ELMOD1: variants seen among roughly 807,000 people sequenced by gnomAD.
ELMOD1 encodes the protein ELMO domain containing 1.
Under a neutral mutation model 46.7 loss-of-function variants are expected in ELMOD1, and 21 were observed. The ratio of observed to expected loss-of-function variants is 0.45; its 90% CI spans 0.32 to 0.65. ELMOD1 has a LOEUF of 0.65. Among genes scored for constraint, ELMOD1 ranks in the 30% least tolerant of loss-of-function variants. The pLI, the probability that ELMOD1 is intolerant of heterozygous loss-of-function variation, is 0.04. For synonymous variants in ELMOD1, 122 were observed against 138.2 expected, an observed-to-expected ratio of 0.88 and a Z score of 0.82; for missense variants, 348 against 407.8, an observed-to-expected ratio of 0.85 and a Z score of 1.26.
At chr11:107,628,559 G>T (rs560166639) in intron 2 of ELMOD1, among the ~76,000 whole-genome samples, 12 of 150,894 alleles carry the variant, frequency 8.0e-5, no homozygotes, top group African/African-American at 2.7e-4. Flanking sequence ...GTTTTTTGGG[G>T]TGTTTTTTTT....
intron 7 of ELMOD1, among the ~76,000 whole-genome samples, chr11:107,648,818 A>G (rs1230107428): frequency 1.4e-5 from 2 of 146,668 alleles, no homozygotes; most frequent in South Asian, 2.2e-4. Flanking sequence ...CTGTGTTTTT[A>G]TATGTTTATT....
intron 1 of ELMOD1, among the ~76,000 whole-genome samples, chr11:107,613,502 G>T (rs746149204): frequency 1.6e-4 from 25 of 152,064 alleles, no homozygotes; most frequent in Non-Finnish European, 2.9e-4. Flanking sequence ...CTCTTTTACT[G>T]TATTAAACTA....
chr11:107,635,559 C>T, intron 5 of ELMOD1, 77 bp from the exon 6 acceptor site: 3 of 1,419,158 alleles, frequency 2.1e-6, no homozygotes, highest in Non-Finnish European at 2.9e-6. Flanking sequence ...TTCTATCATG[C>T]ATACATCAAG....
At chr11:107,661,812 C>A (rs2135719661) in intron 11 of ELMOD1, among the ~76,000 whole-genome samples, 1 of 152,308 alleles carries the variant, frequency 6.6e-6, no homozygotes, top group African/African-American at 2.4e-5. Context: ...TTAACAAGTA[C>A]CGCAGATCAT....
intron 7 of ELMOD1, 61 bp downstream of exon 7, chr11:107,647,662 T>C (rs1379874942): frequency 6.6e-7 from 1 of 1,524,300 alleles, no homozygotes; most frequent in Non-Finnish European, 8.8e-7. Context: ...CATACTGAAA[T>C]GGCAAAAGTT....
At chr11:107,627,604 G>A (rs117814914) in intron 2 of ELMOD1, among the ~76,000 whole-genome samples, 3,375 of 152,296 alleles carry the variant, frequency 0.022, 56 homozygotes, top group South Asian at 0.073. Flanking sequence ...GAGTTGGGCT[G>A]TAGGTAACTC....
intron 1 of ELMOD1, among the ~76,000 whole-genome samples, chr11:107,598,191 G>A (rs977059881): frequency 1.3e-5 from 2 of 152,094 alleles, no homozygotes; most frequent in African/African-American, 4.8e-5. Flanking sequence ...TGAGGAATTG[G>A]CTTACTTGAC....
At chr11:107,652,328 A>C (rs1866539582) in intron 9 of ELMOD1, among the ~76,000 whole-genome samples, 1 of 152,230 alleles carries the variant, frequency 6.6e-6, no homozygotes, top group Non-Finnish European at 1.5e-5. Context: ...TCTTGTAAAC[A>C]TCCATTGGTT....
intron 11 of ELMOD1, among the ~76,000 whole-genome samples, chr11:107,658,745 A>C (rs953680191): frequency 6.6e-6 from 1 of 152,178 alleles, no homozygotes; most frequent in African/African-American, 2.4e-5. Flanking sequence ...GACCAGCCTG[A>C]TCAAAAGGGT....
At chr11:107,644,585 C>T (rs908736199) in intron 6 of ELMOD1, among the ~76,000 whole-genome samples, 6 of 151,998 alleles carry the variant, frequency 3.9e-5, no homozygotes, top group African/African-American at 1.4e-4. Flanking sequence ...CGCCATTCTC[C>T]TGCCTCAGCC....
intron 6 of ELMOD1, chr11:107,643,610 G>T: frequency 1.9e-6 from 1 of 529,100 alleles, no homozygotes; most frequent in Non-Finnish European, 3.9e-6. Context: ...ACAAGTATCT[G>T]GACGGCATTC....
intron 1 of ELMOD1, chr11:107,592,953 T>C (rs1865429228): frequency 6.5e-6 from 1 of 152,746 alleles, no homozygotes; most frequent in Non-Finnish European, 1.5e-5. Context: ...CGTAAAGACC[T>C]ATAAGGAATT....
chr11:107,659,551 A>G (rs694990), intron 11 of ELMOD1, among the ~76,000 whole-genome samples: 32,391 of 151,114 alleles, frequency 0.21, 7,718 homozygotes, highest in African/African-American at 0.59. Context: ...AGTTAGAATC[A>G]TAAAGAATTG....
intron 6 of ELMOD1, among the ~76,000 whole-genome samples, chr11:107,645,815 A>G (rs1401636148): frequency 6.6e-6 from 1 of 152,226 alleles, no homozygotes; most frequent in Non-Finnish European, 1.5e-5. Flanking sequence ...AAAATATTGT[A>G]TAATGTGAAT....
At chr11:107,632,628 T>C (rs1246934730) in intron 5 of ELMOD1, among the ~76,000 whole-genome samples, 3 of 152,216 alleles carry the variant, frequency 2.0e-5, no homozygotes, top group Non-Finnish European at 4.4e-5. Context: ...GTTGATTTAC[T>C]TATATAGTAA....
At chr11:107,630,018 T>C (rs1280243049) in intron 2 of ELMOD1, among the ~76,000 whole-genome samples, 1 of 152,062 alleles carries the variant, frequency 6.6e-6, no homozygotes, top group Non-Finnish European at 1.5e-5. Flanking sequence ...GCTGAGAGGC[T>C]GTTCATGGAG....
At chr11:107,641,421 A>G (rs1162663623) in intron 6 of ELMOD1, among the ~76,000 whole-genome samples, 2 of 152,212 alleles carry the variant, frequency 1.3e-5, no homozygotes, top group Non-Finnish European at 2.9e-5. Flanking sequence ...GCCAGAACCT[A>G]TGCCAATACA....
intron 9 of ELMOD1, chr11:107,653,886 A>G (rs929502601): frequency 2.9e-6 from 1 of 345,200 alleles, no homozygotes; most frequent in Admixed American, 4.1e-5. Context: ...TGTTTCAGGA[A>G]GGAGGGGTTT....
intron 11 of ELMOD1, among the ~76,000 whole-genome samples, chr11:107,657,365 G>A (rs1023828698): frequency 5.3e-5 from 8 of 152,048 alleles, no homozygotes; most frequent in African/African-American, 1.4e-4. Context: ...GCAACATAGC[G>A]AGACCCTGAC....
Sources: allele counts gnomAD v4.1 joint callset (sites outside exome capture counted in the v4.1 genomes callset), GRCh38; gene constraint gnomAD v4.1.1; transcripts MANE v1.5; gene names NCBI Gene and HGNC (gene_info 2026-07-23, HGNC 2026-07-21).